The following STK3 variants were observed in gnomAD, a reference collection of about 807,000 sequenced individuals.
The protein encoded by STK3 is serine/threonine-protein kinase 3.
STK3 carries 41 observed loss-of-function variants against 58.0 expected under a neutral mutation model. The observed-to-expected ratio is 0.71, with a 90% confidence interval of 0.55 to 0.92. STK3 has a LOEUF of 0.92. STK3 is among the 40% of genes least tolerant of loss of function. The pLI, the probability that STK3 is intolerant of heterozygous loss-of-function variation, is 0.00. For synonymous variants in STK3, 170 were observed against 191.0 expected, an observed-to-expected ratio of 0.89 and a Z score of 0.91; for missense variants, 479 against 602.7, an observed-to-expected ratio of 0.79 and a Z score of 2.15.
intron 1 of STK3, among the ~76,000 whole-genome samples, chr8:98,939,414 C>T (rs948548930): frequency 1.3e-5 from 2 of 152,216 alleles, no homozygotes; most frequent in African/African-American, 2.4e-5. Context: ...AGAGAGTTTG[C>T]ATTTCTAACA....
At chr8:98,487,326 T>C (rs1290899447) in intron 10 of STK3, among the ~76,000 whole-genome samples, 1 of 152,218 alleles carries the variant, frequency 6.6e-6, no homozygotes, top group Non-Finnish European at 1.5e-5. Context: ...GTGTTACTCA[T>C]GCAACAAACA....
intron 1 of STK3, chr8:98,889,707 C>G (rs1838126550): frequency 6.6e-6 from 1 of 152,126 alleles, no homozygotes; most frequent in Non-Finnish European, 1.5e-5. Flanking sequence ...TCAGCGGTCT[C>G]AAATATTAGC....
chr8:98,353,499 A>C, the STK3 span, among the ~76,000 whole-genome samples: 34 of 152,136 alleles, frequency 2.2e-4, no homozygotes, highest in African/African-American at 7.7e-4. Flanking sequence ...TCTAAATAAA[A>C]ATAATAATAG....
chr8:98,903,556 C>CTTCTACTTCTTCTT (rs200556218), intron 1 of STK3, among the ~76,000 whole-genome samples: 1 of 50,502 alleles, frequency 2.0e-5, no homozygotes, highest in African/African-American at 6.8e-5. Flanking sequence ...TCTTCTTCTT[C>CTTCTACTTCTTCTT]CTTTTTTTTT....
intron 1 of STK3, among the ~76,000 whole-genome samples, chr8:98,821,531 G>C (rs902176402): frequency 6.6e-6 from 1 of 151,428 alleles, no homozygotes; most frequent in East Asian, 1.9e-4. Context: ...ATGGTGGTGC[G>C]TGCTTGTGGT....
intron 6 of STK3, among the ~76,000 whole-genome samples, chr8:98,645,801 T>C (rs892562514): frequency 6.6e-6 from 1 of 151,130 alleles, no homozygotes; most frequent in Non-Finnish European, 1.5e-5. Context: ...TATATATACA[T>C]ATATAGATAT....
At chr8:98,912,406 GAA>G (rs57138062) in intron 1 of STK3, among the ~76,000 whole-genome samples, 1 of 143,856 alleles carries the variant, frequency 7.0e-6, no homozygotes, top group African/African-American at 2.5e-5. Flanking sequence ...AATAACAAAC[GAA>G]AAAAAAAAAA....
intron 2 of STK3, among the ~76,000 whole-genome samples, chr8:98,375,272 A>AAAAAAAAAC (rs1490561056): frequency 4.0e-5 from 1 of 24,788 alleles, no homozygotes; most frequent in East Asian, 3.1e-4. Context: ...AAAAAAAAAC[A>AAAAAAAAAC]AAAAAAAACA....
At chr8:98,378,174 G>A (rs1817694373) in intron 2 of STK3, among the ~76,000 whole-genome samples, 1 of 152,150 alleles carries the variant, frequency 6.6e-6, no homozygotes, top group South Asian at 2.1e-4. Context: ...AGGTTACGGG[G>A]GAACCGAGGA....
chr8:98,699,186 T>A (rs1371517944), intron 6 of STK3, among the ~76,000 whole-genome samples: 1 of 152,050 alleles, frequency 6.6e-6, no homozygotes, highest in African/African-American at 2.4e-5. Flanking sequence ...CTTCACGTAG[T>A]TCTCGAGCCT....
chr8:98,464,540 T>TTAAAAAAAAAAAAAAAAAAAAA (rs71572015), intron 10 of STK3, among the ~76,000 whole-genome samples: 1 of 69,228 alleles, frequency 1.4e-5, no homozygotes, highest in African/African-American at 5.7e-5. Flanking sequence ...TACTTAAAGT[T>TTAAAAAAAAAAAAAAAAAAAAA]AAAAAAAAAA....
chr8:98,344,251 T>C, the STK3 span, among the ~76,000 whole-genome samples: 1 of 152,330 alleles, frequency 6.6e-6, no homozygotes. Flanking sequence ...ACTGTTTTCA[T>C]CTGAAGATAA....
chr8:98,848,012 T>C (rs1012953429), intron 3 of STK3, among the ~76,000 whole-genome samples: 1 of 152,216 alleles, frequency 6.6e-6, no homozygotes, highest in Non-Finnish European at 1.5e-5. Flanking sequence ...TTCAGCATGC[T>C]GTTTAGGTTA....
At chr8:98,412,579 A>G (rs972645704) in intron 3 of STK3, among the ~76,000 whole-genome samples, 25 of 152,208 alleles carry the variant, frequency 1.6e-4, no homozygotes, top group African/African-American at 6.0e-4. Flanking sequence ...CAACAATGTG[A>G]ATGAGTCCAA....
Position 98,930,391 on chromosome 8 carries a change from G to A in STK3, c.-79+11987C>T, listed in dbSNP as rs146056895. Among the ~76,000 whole-genome samples, 279 of 152,296 alleles carry A rather than the reference G, an allele frequency of 1.8e-3. 2 individuals are homozygous for A. The highest frequency in any genetic ancestry group is 6.3e-3 in the African/African-American group (263 of 41,574). On this transcript the variant is annotated intron_variant, in intron 1 of 1. Coordinates refer to the STK3 transcript ENST00000519420. ...TGTGTAATTATAAAGTATGTGTTCA[G>A]TTATTTACTTTCCCTGTTCCATGCA...
intron 6 of STK3, among the ~76,000 whole-genome samples, chr8:98,658,315 G>A (rs1263349588): frequency 6.6e-6 from 1 of 152,012 alleles, no homozygotes; most frequent in Non-Finnish European, 1.5e-5. Context: ...AGGCAGAGAA[G>A]GCTATGGAGT....
chr8:98,496,265 A>G (rs954263476), intron 10 of STK3, among the ~76,000 whole-genome samples: 3 of 152,172 alleles, frequency 2.0e-5, no homozygotes, highest in African/African-American at 7.2e-5. Flanking sequence ...AGAAAATCAT[A>G]AGGAATTCAC....
At chr8:98,581,356 C>T (rs1664760761) in intron 7 of STK3, among the ~76,000 whole-genome samples, 1 of 152,156 alleles carries the variant, frequency 6.6e-6, no homozygotes, top group African/African-American at 2.4e-5. Flanking sequence ...GTTCTTATTC[C>T]TGCCTGGTAG....
the STK3 span, among the ~76,000 whole-genome samples, chr8:98,352,136 C>CAAAAAAAAAAAAAAAAAAAA: frequency 9.1e-6 from 1 of 110,456 alleles, no homozygotes; most frequent in Non-Finnish European, 1.8e-5. Context: ...GACTCTGTCT[C>CAAAAAAAAAAAAAAAAAAAA]AAAAAAAAAA....
Sources: gnomAD v4.1 joint callset for allele counts (sites outside exome capture counted in the v4.1 genomes callset) on GRCh38, gnomAD v4.1.1 for gene constraint, MANE v1.5 for transcripts, NCBI Gene and HGNC (gene_info 2026-07-23, HGNC 2026-07-21) for gene names.